FLI1: variants seen among roughly 807,000 people sequenced by gnomAD.
The protein encoded by FLI1 is Fli-1 proto-oncogene, ETS transcription factor.
In FLI1, 13 loss-of-function variants were observed where a neutral mutation model predicts 53.1. The ratio of observed to expected loss-of-function variants is 0.24; its 90% CI spans 0.16 to 0.39. FLI1 has a LOEUF of 0.39. Ranked by LOEUF, FLI1 falls within the 10% of genes least tolerant of loss-of-function variation. The pLI, the probability that FLI1 is intolerant of heterozygous loss-of-function variation, is 1.00. For synonymous variants in FLI1, 244 were observed against 236.7 expected (o/e 1.03, Z -0.28); for missense variants, 424 against 600.5 (o/e 0.71, Z 3.07).
chr11:128,736,426 G>T (rs887221742), intron 1 of FLI1, among the ~76,000 whole-genome samples: 1 of 152,190 alleles, frequency 6.6e-6, no homozygotes, highest in Non-Finnish European at 1.5e-5. Flanking sequence ...CTTGTAGCAG[G>T]CTTGTCATAC....
At chr11:128,733,772 C>T (rs1309235168) in intron 1 of FLI1, among the ~76,000 whole-genome samples, 1 of 152,188 alleles carries the variant, frequency 6.6e-6, no homozygotes, top group Non-Finnish European at 1.5e-5. Flanking sequence ...TCTAATTAGC[C>T]AAGGGTCACT....
rs749620006 is a variant in FLI1, at chr11:128,805,361, A to G, written c.656-5A>G. The G allele has an allele frequency of 2.5e-6, 4 of 1,574,302 alleles. No individual in the cohort carries two copies. The highest frequency in any genetic ancestry group is 3.5e-6 in the Non-Finnish European group (4 of 1,154,324). On this transcript the variant is annotated splice_region_variant and splice_polypyrimidine_tract_variant and intron_variant, in intron 5 of 8. Coordinates refer to ENST00000527786, the MANE Select transcript of FLI1 (RefSeq NM_002017.5). ...AATGTACCCCTATTTGTTATTGTTC[A>G]TTAGACCCTTCTTATGACTCAGTCA...
intron 4 of FLI1, among the ~76,000 whole-genome samples, chr11:128,775,377 TG>T (rs1591802836): frequency 1.3e-5 from 2 of 151,724 alleles, no homozygotes; most frequent in East Asian, 3.9e-4. Flanking sequence ...AAAAAAAACT[TG>T]CCCCAACATG....
At chr11:128,761,985 C>T (rs1941138924) in intron 2 of FLI1, among the ~76,000 whole-genome samples, 1 of 152,122 alleles carries the variant, frequency 6.6e-6, no homozygotes, top group Non-Finnish European at 1.5e-5. Context: ...CAGAGCCAAG[C>T]AGCTTAGGCA....
intron 1 of FLI1, among the ~76,000 whole-genome samples, chr11:128,740,490 C>T (rs1940088168): frequency 6.6e-6 from 1 of 152,254 alleles, no homozygotes; most frequent in Admixed American, 6.5e-5. Context: ...CTGGCCTAAT[C>T]ATGGTTCCAA....
chr11:128,770,050 T>C (rs117989968), intron 3 of FLI1, among the ~76,000 whole-genome samples: 2,452 of 152,326 alleles, frequency 0.016, 29 homozygotes, highest in Non-Finnish European at 0.025. Flanking sequence ...TCTGAGATTG[T>C]CTTTGAACCA....
chr11:128,698,733 T>TGTGTGTGTGTGAGAGAGA (rs766077047), intron 1 of FLI1, among the ~76,000 whole-genome samples: 13 of 133,820 alleles, frequency 9.7e-5, no homozygotes, highest in East Asian at 4.3e-4. Flanking sequence ...TGTGTGTGTG[T>TGTGTGTGTGTGAGAGAGA]GAGAGAGAGA....
At chr11:128,768,688 CAAAAAAA>C (rs34066469) in intron 3 of FLI1, among the ~76,000 whole-genome samples, 12 of 77,778 alleles carry the variant, frequency 1.5e-4, no homozygotes, top group Non-Finnish European at 1.7e-4. Flanking sequence ...GACTCTGTCT[CAAAAAAA>C]AAAAAAAAAA....
At chr11:128,688,663 CTCTG>C (rs1937627701) in intron 1 of FLI1, among the ~76,000 whole-genome samples, 1 of 152,062 alleles carries the variant, frequency 6.6e-6, no homozygotes, top group African/African-American at 2.4e-5. Flanking sequence ...GTGGTCTGGG[CTCTG>C]AGGGGTCCCA....
At chr11:128,757,040 A>T (rs973587852) in intron 1 of FLI1, among the ~76,000 whole-genome samples, 1 of 133,530 alleles carries the variant, frequency 7.5e-6, no homozygotes, top group Non-Finnish European at 1.7e-5. Flanking sequence ...ATATCTAGCT[A>T]ATTTTTTCTT....
chr11:128,760,522 T>TA (rs57958155), intron 2 of FLI1, among the ~76,000 whole-genome samples: 618 of 48,946 alleles, frequency 0.013, 11 homozygotes, highest in African/African-American at 0.015. Flanking sequence ...GGAGATTCCT[T>TA]TTTTTTTTTT....
At chr11:128,770,611 A>G (rs1941516305) in intron 3 of FLI1, among the ~76,000 whole-genome samples, 1 of 152,224 alleles carries the variant, frequency 6.6e-6, no homozygotes. Flanking sequence ...GAGGGAGAGT[A>G]ATAATATTGT....
upstream of FLI1, chr11:128,694,044 GAA>G (rs1303023387): frequency 1.0e-5 from 4 of 392,272 alleles, no homozygotes; most frequent in Non-Finnish European, 1.9e-5. Flanking sequence ...AAAATTAGCT[GAA>G]AAAAAAGTTT....
At chr11:128,764,002 G>A (rs546111439) in intron 2 of FLI1, among the ~76,000 whole-genome samples, 9 of 152,304 alleles carry the variant, frequency 5.9e-5, no homozygotes, top group East Asian at 1.9e-4. Flanking sequence ...TACACGCCGC[G>A]GGTCCTAATG....
chr11:128,686,180 G>A (rs1271231390), upstream of FLI1: 2 of 363,708 alleles, frequency 5.5e-6, no homozygotes, highest in Non-Finnish European at 5.5e-6. Flanking sequence ...AGTGTTGGCA[G>A]CTCTGTAAGC....
At chr11:128,783,602 G>A (rs573136452) in intron 5 of FLI1, among the ~76,000 whole-genome samples, 15 of 152,300 alleles carry the variant, frequency 9.8e-5, no homozygotes, top group African/African-American at 3.6e-4. Flanking sequence ...TGTTGCAAAT[G>A]TCTGTAAGAG....
At chr11:128,712,266 T>C (rs969758168) in intron 1 of FLI1, among the ~76,000 whole-genome samples, 6 of 152,204 alleles carry the variant, frequency 3.9e-5, no homozygotes, top group African/African-American at 1.4e-4. Context: ...GGCTCCCCAT[T>C]CACTTTCCAC....
intron 1 of FLI1, among the ~76,000 whole-genome samples, chr11:128,750,583 C>G (rs528104788): frequency 3.9e-5 from 6 of 152,322 alleles, no homozygotes; most frequent in Admixed American, 1.3e-4. Flanking sequence ...TCAAACCACC[C>G]TCTTCTTCTT....
intron 2 of FLI1, among the ~76,000 whole-genome samples, chr11:128,759,821 C>T (rs972324200): frequency 2.0e-5 from 3 of 152,148 alleles, no homozygotes; most frequent in African/African-American, 4.8e-5. Context: ...CTGGAATTTA[C>T]GTTTGGGCAT....
Sources: gnomAD v4.1 joint callset for allele counts (sites outside exome capture counted in the v4.1 genomes callset) on GRCh38, gnomAD v4.1.1 for gene constraint, MANE v1.5 for transcripts, NCBI Gene and HGNC (gene_info 2026-07-23, HGNC 2026-07-21) for gene names.